NF1: variants seen among roughly 807,000 people sequenced by gnomAD.
The protein encoded by NF1 is neurofibromin.
In NF1, 122 loss-of-function variants were observed where a neutral mutation model predicts 325.7. The ratio of observed to expected loss-of-function variants is 0.37; its 90% CI spans 0.32 to 0.44. The LOEUF (loss-of-function observed/expected upper bound fraction) is 0.44, where lower values mean the gene tolerates loss of function less well. NF1 is among the 20% of genes least tolerant of loss of function. The pLI is 1.00. For synonymous variants in NF1, 1,091 were observed against 1,186.0 expected (o/e 0.92, Z 1.65); for missense variants, 2,140 against 3,415.4 (o/e 0.63, Z 9.31).
At chr17:31,304,991 G>A in intron 36 of NF1, 2 of 1,614,152 alleles carry the variant, frequency 1.2e-6, no homozygotes, top group African/African-American at 1.3e-5. Context: ...ACACCAATTA[G>A]TATGGCAGCT....
At chr17:31,155,755 A>T (rs922707738) in intron 1 of NF1, among the ~76,000 whole-genome samples, 3 of 152,188 alleles carry the variant, frequency 2.0e-5, no homozygotes, top group African/African-American at 7.2e-5. Context: ...AGAATTTAAG[A>T]TTTGCTATAA....
At chr17:31,180,510 A>G (rs896088185) in intron 5 of NF1, among the ~76,000 whole-genome samples, 2 of 152,224 alleles carry the variant, frequency 1.3e-5, no homozygotes, top group African/African-American at 2.4e-5. Context: ...GATTATCTCA[A>G]TAGATACAGA....
chr17:31,334,174 A>C (rs1031844196), intron 39 of NF1, among the ~76,000 whole-genome samples: 1 of 147,962 alleles, frequency 6.8e-6, no homozygotes, highest in African/African-American at 2.4e-5. Context: ...CTGTAGTCCC[A>C]GCTACTCGGG....
intron 30 of NF1, chr17:31,249,993 A>G: frequency 2.0e-6 from 1 of 494,960 alleles, no homozygotes; most frequent in Non-Finnish European, 4.0e-6. Context: ...ACACGGCTTC[A>G]GTTGCTTAGA....
rs1160593929 is a variant in NF1, at chr17:31,305,107, G to A, written c.4836-20713G>A. 25 of 1,614,056 alleles carry A rather than the reference G, an allele frequency of 1.5e-5. No individual in the cohort carries two copies. Among genetic ancestry groups the A allele is most frequent in the East Asian group, 1.3e-4 (6 of 44,898 alleles). ...ATTTTTGACAGTTGATGTTGGTTGT[G>A]TGGATGGATTATGAACAGTTATTTG... On this transcript the variant is annotated intron_variant, in intron 36 of 57. Coordinates refer to ENST00000358273, the MANE Select transcript of NF1 (RefSeq NM_001042492.3).
intron 29 of NF1, among the ~76,000 whole-genome samples, chr17:31,248,377 C>T (rs751927653): frequency 1.6e-4 from 25 of 152,108 alleles, no homozygotes; most frequent in Admixed American, 3.9e-4. Flanking sequence ...TAAAGCATAT[C>T]TCAGAGATCA....
intron 1 of NF1, among the ~76,000 whole-genome samples, chr17:31,131,422 T>C (rs1915381377): frequency 6.6e-6 from 1 of 152,140 alleles, no homozygotes; most frequent in Admixed American, 6.5e-5. Flanking sequence ...AAAGTCCCGG[T>C]GCGTGGTAGC....
In NF1 at chr17:31,320,309, A is replaced by G. The variant is rs946463556; in HGVS notation, c.4836-5511A>G. 2.2e-6 allele frequency: 3 copies of G among 1,350,198 alleles called. No homozygotes were observed. The South Asian group carries it at 4.5e-5, about 20-fold the overall frequency. The allele number at this position is 1,350,198 out of a possible 1,614,324, so 83.6% of individuals were successfully genotyped here. A position where few individuals can be genotyped will look rare whatever the true frequency, so the allele number is the denominator to read the frequency against. The stretch of plus-strand genomic sequence containing the variant: ...TAAGAACCCTACGTATGCTATAGAA[A>G]TTCTTCTCAAATGTACTTAGGAGTC... On this transcript the variant is annotated intron_variant, in intron 36 of 57. Coordinates refer to ENST00000358273, the MANE Select transcript of NF1 (RefSeq NM_001042492.3).
intron 36 of NF1, chr17:31,304,581 G>A: frequency 6.2e-7 from 1 of 1,614,118 alleles, no homozygotes; most frequent in Non-Finnish European, 8.5e-7. Context: ...AATCCAGAAG[G>A]GGAGGTGGTG....
intron 39 of NF1, among the ~76,000 whole-genome samples, chr17:31,333,619 A>G (rs935155143): frequency 6.6e-6 from 1 of 152,234 alleles, no homozygotes; most frequent in Non-Finnish European, 1.5e-5. Flanking sequence ...AGAATAAGGA[A>G]CTGATTAAAT....
At chr17:31,285,201 C>T (rs565942933) in intron 36 of NF1, among the ~76,000 whole-genome samples, 140 of 150,214 alleles carry the variant, frequency 9.3e-4, no homozygotes, top group African/African-American at 3.2e-3. Context: ...TGCTTGAACC[C>T]GGCAGGCAGA....
chr17:31,177,950 A>G (rs2066053829), intron 5 of NF1, among the ~76,000 whole-genome samples: 1 of 152,188 alleles, frequency 6.6e-6, no homozygotes, highest in African/African-American at 2.4e-5. Context: ...ACTCTTCAGG[A>G]TATTAGCAGG....
chr17:31,268,061 G>A (rs1439967325), intron 36 of NF1, among the ~76,000 whole-genome samples: 1 of 152,180 alleles, frequency 6.6e-6, no homozygotes. Flanking sequence ...CTGTGGTGCT[G>A]GAACTGGCTA....
At chr17:31,167,751 G>A (rs2065868511) in intron 4 of NF1, among the ~76,000 whole-genome samples, 1 of 152,116 alleles carries the variant, frequency 6.6e-6, no homozygotes, top group African/African-American at 2.4e-5. Flanking sequence ...TTAACATTTA[G>A]GCTAAGTGAA....
rs568251682 is a variant in NF1, at chr17:31,121,675, A to G, written c.60+26306A>G. Among the ~76,000 whole-genome samples the G allele has an allele frequency of 2.4e-4, 37 of 152,126 alleles. No individual in the cohort carries two copies. In the South Asian group the frequency reaches 2.9e-3, roughly 12 times the overall value. On this transcript the variant is annotated intron_variant, in intron 1 of 57. Coordinates refer to ENST00000358273, the MANE Select transcript of NF1 (RefSeq NM_001042492.3). ...TCAAAGGCCTTTTCTTCATCTATTG[A>G]GATAATCGTGTGGTTTTTGTCATTG... is the stretch of plus-strand genomic sequence containing the variant.
rs757260226 is a variant in NF1 at position 31,326,192 on chromosome 17, C to A, written c.5208C>A (p.Asp1736Glu). 1 of 1,613,194 alleles carries A rather than the reference C, an allele frequency of 6.2e-7. No individual in the cohort carries two copies. The change falls in exon 37 of 58, where the codon GAC becomes GAA. Residue 1736 changes from aspartate (D) to glutamate (E), a missense_variant. Coordinates refer to ENST00000358273, the MANE Select transcript of NF1 (RefSeq NM_001042492.3). ...LPAATLALEE[D>E]LKVFHNALKL... ...CTGCCACCTTGGCTTTAGAAGAGGA[C>A]CTGAAGGTATTCCACAATGCTCTCA...
intron 12 of NF1, among the ~76,000 whole-genome samples, chr17:31,213,561 C>T (rs533699989): frequency 7.9e-5 from 12 of 152,106 alleles, no homozygotes; most frequent in Non-Finnish European, 1.6e-4. Context: ...TACATAAAGA[C>T]ATTCATTCAG....
chr17:31,139,989 T>G (rs556819483), intron 1 of NF1, among the ~76,000 whole-genome samples: 1 of 152,280 alleles, frequency 6.6e-6, no homozygotes, highest in South Asian at 2.1e-4. Context: ...AAAAGGTGAT[T>G]GTTGAGGGCA....
chr17:31,350,031 C>A (rs17882381), intron 49 of NF1, 152 bp from the exon 50 acceptor site: 1 of 765,894 alleles, frequency 1.3e-6, no homozygotes, highest in Non-Finnish European at 2.2e-6. Flanking sequence ...CTTATTAAAT[C>A]TCTCTGTATA....
Sources: gnomAD v4.1 joint callset for allele counts (sites outside exome capture counted in the v4.1 genomes callset) on GRCh38, gnomAD v4.1.1 for gene constraint, MANE v1.5 for transcripts, NCBI Gene and HGNC (gene_info 2026-07-23, HGNC 2026-07-21) for gene names.